MYH15: variants seen among roughly 807,000 people sequenced by gnomAD.
MYH15 encodes the protein myosin-15.
A neutral mutation model predicts 240.5 loss-of-function variants in MYH15; 227 were observed. The observed-to-expected ratio is 0.94, with a 90% CI of 0.85 to 1.05. MYH15 has a LOEUF of 1.05. MYH15 is among the 50% of genes least tolerant of loss of function. The pLI, the probability that MYH15 is intolerant of heterozygous loss-of-function variation, is 0.00. For synonymous variants in MYH15, 785 were observed against 796.7 expected (o/e 0.99, Z 0.25); for missense variants, 2,217 against 2,247.5 (o/e 0.99, Z 0.27).
In MYH15 at chr3:108,437,952, C is replaced by T. The variant is rs550147140; in HGVS notation, c.3076-253G>A. On this transcript the variant is annotated intron_variant, in intron 24 of 40. Transcript: ENST00000693548. ...AGTTCTGTCTTAGGGAAGGAACCAA[C>T]AAGAAATGGCCAGTGAGCCCTTGAT... Among the ~76,000 whole-genome samples, 202 of 152,286 alleles carry T rather than the reference C, an allele frequency of 1.3e-3. 1 individual carries two copies. In the Middle Eastern group the frequency reaches 0.014, roughly 10 times the overall value.
chr3:108,442,780 T>C (rs1279069007), intron 22 of MYH15, among the ~76,000 whole-genome samples: 2 of 151,756 alleles, frequency 1.3e-5, no homozygotes, highest in South Asian at 2.1e-4. Flanking sequence ...TTCTTTTTTT[T>C]TTTTTTGGAT....
At chr3:108,544,075 C>T in the MYH15 span, among the ~76,000 whole-genome samples, 2 of 152,314 alleles carry the variant, frequency 1.3e-5, no homozygotes, top group African/African-American at 4.8e-5. Flanking sequence ...TGTCCTGTGA[C>T]CTCAATTCTC....
rs142294601 is a variant in MYH15, at chr3:108,423,089, C to G, written c.3703-1875G>C. 1.8e-3 allele frequency among the ~76,000 whole-genome samples: 272 copies of G among 152,228 alleles called. 1 individual carries two copies. Among genetic ancestry groups the G allele is most frequent in the African/African-American group, 6.1e-3 (254 of 41,548 alleles). ...GGTGAAAAGGAAGAAAAGGGGGAAA[C>G]AGGGACTCTCACAAGGCCAGAGTCC... On this transcript the variant is annotated intron_variant, in intron 27 of 40. Transcript: ENST00000693548.
chr3:108,501,590 T>C (rs925075814), intron 3 of MYH15, 122 bp downstream of exon 3: 77 of 1,267,636 alleles, frequency 6.1e-5, no homozygotes, highest in African/African-American at 7.4e-5. Flanking sequence ...CCAGTAGACA[T>C]TGCTCAAGGA....
chr3:108,439,375 A>G (rs1576234393), intron 24 of MYH15, among the ~76,000 whole-genome samples: 1 of 152,272 alleles, frequency 6.6e-6, no homozygotes, highest in East Asian at 1.9e-4. Flanking sequence ...ATCCTTCAAC[A>G]CTAGTGGTAA....
chr3:108,486,468 A>G lies in MYH15; in HGVS notation c.930T>C (p.Val310=), dbSNP rs199779862. ...CAGCATCATCCAAGCTCTCCACAGT[A>G]ACTGCTCCACAGGAGCAAAAGTGGA... The part of the protein sequence containing the change: ...SDFHFCSCGA[V]TVESLDDAEE... The change falls in exon 10 of 41, where the codon GTT becomes GTC. Residue 310 remains valine, a synonymous_variant. Transcript: ENST00000693548. 7.6e-5 allele frequency: 123 copies of G among 1,612,578 alleles called. 2 individuals are homozygous for G. In the Middle Eastern group the frequency reaches 3.0e-3, roughly 39 times the overall value.
intron 12 of MYH15, among the ~76,000 whole-genome samples, chr3:108,476,083 G>A (rs1026656514): frequency 2.6e-5 from 4 of 152,190 alleles, no homozygotes; most frequent in Non-Finnish European, 4.4e-5. Context: ...TGTTAGGAAT[G>A]AACAGCTTTG....
At chr3:108,392,061 A>G in intron 36 of MYH15, 131 bp from the exon 37 acceptor site, 1 of 986,680 alleles carries the variant, frequency 1.0e-6, no homozygotes, top group East Asian at 2.4e-5. Flanking sequence ...TCTTCCCATT[A>G]TAATCTCCCT....
rs201158244 is a variant in MYH15, at chr3:108,476,437, A to G, written c.1193T>C (p.Val398Ala). ...ACCTCTGGTAACATATTCGTTACCA[A>G]CTTTGATTCTAGGATGGATCAAGCA... ...VKCLIHPRIKVGNEYVTRGQT... is the reference protein window; with the variant it reads ...VKCLIHPRIKAGNEYVTRGQT... The change falls in exon 12 of 41, where the codon GTT becomes GCT. Residue 398 changes from valine to alanine, a missense_variant. Transcript: ENST00000693548. 2.5e-5 allele frequency: 41 copies of G among 1,613,168 alleles called. No homozygotes were observed. The African/African-American group carries it at 5.2e-4, about 20-fold the overall frequency.
In MYH15 at chr3:108,468,131, A is replaced by G. The variant is rs574158577; in HGVS notation, c.1554+1911T>C. ...CAGGCATGCGCCACCACATCTGGCTAATTTTTGTATTTTGAGTAGAGACAG... is the reference window on the plus strand; with the variant it reads ...CAGGCATGCGCCACCACATCTGGCTGATTTTTGTATTTTGAGTAGAGACAG... On this transcript the variant is annotated intron_variant, in intron 14 of 40. Coordinates refer to ENST00000693548, the MANE Select transcript of MYH15 (RefSeq NM_014981.3). 8.5e-5 allele frequency among the ~76,000 whole-genome samples: 13 copies of G among 152,150 alleles called. No individual in the cohort carries two copies. The South Asian group carries it at 2.3e-3, about 27-fold the overall frequency.
chr3:108,547,152 T>A, the MYH15 span, among the ~76,000 whole-genome samples: 1 of 152,002 alleles, frequency 6.6e-6, no homozygotes. Flanking sequence ...GAGGGACATG[T>A]CACCACACCT....
intron 36 of MYH15, among the ~76,000 whole-genome samples, chr3:108,392,147 G>A (rs750297455): frequency 1.3e-5 from 2 of 152,310 alleles, no homozygotes; most frequent in South Asian, 4.1e-4. Flanking sequence ...ACAGGGTAAG[G>A]AGTGGTGGAA....
chr3:108,523,626 G>T (rs1046345165), intron 1 of MYH15, among the ~76,000 whole-genome samples: 9 of 151,696 alleles, frequency 5.9e-5, no homozygotes, highest in Non-Finnish European at 1.2e-4. Context: ...GCCCATATTA[G>T]ATCTTGGATT....
chr3:108,417,028 T>G, intron 28 of MYH15, 98 bp from the exon 29 acceptor site: 3 of 871,406 alleles, frequency 3.4e-6, no homozygotes, highest in Non-Finnish European at 5.5e-6. Context: ...GAATGACTCC[T>G]ACCCACATAT....
At chr3:108,544,150 A>G in the MYH15 span, among the ~76,000 whole-genome samples, 340 of 152,280 alleles carry the variant, frequency 2.2e-3, 3 homozygotes, top group African/African-American at 7.9e-3. Flanking sequence ...AGAGAGTGAG[A>G]GACAAGTTCT....
rs188124092 is a variant in MYH15, at chr3:108,382,392, A to G, written c.5767-833T>C. Among the ~76,000 whole-genome samples the G allele has an allele frequency of 3.3e-5, 5 of 152,282 alleles. No homozygotes were observed. The East Asian group carries it at 9.6e-4, about 29-fold the overall frequency. On this transcript the variant is annotated intron_variant, in intron 40 of 40. Coordinates refer to ENST00000693548, the MANE Select transcript of MYH15 (RefSeq NM_014981.3). ...TAACCAACTCTTAGGCTCTCCTTCA[A>G]AAGAGATGCTTTTGACCTCCCTTAA...
At chr3:108,499,844 G>T (rs2083422897) in intron 4 of MYH15, among the ~76,000 whole-genome samples, 1 of 152,184 alleles carries the variant, frequency 6.6e-6, no homozygotes, top group Non-Finnish European at 1.5e-5. Context: ...ATATAATAAA[G>T]GCTAACATCT....
At chr3:108,384,293 AC>A (rs1178352042) in intron 39 of MYH15, among the ~76,000 whole-genome samples, 1 of 152,202 alleles carries the variant, frequency 6.6e-6, no homozygotes, top group Non-Finnish European at 1.5e-5. Context: ...TTTGTCCACA[AC>A]CATATCCAGG....
intron 28 of MYH15, among the ~76,000 whole-genome samples, 192 bp downstream of exon 28, chr3:108,420,896 C>T (rs2082677168): frequency 6.6e-6 from 1 of 152,010 alleles, no homozygotes; most frequent in African/African-American, 2.4e-5. Flanking sequence ...CAGGGGTTCC[C>T]AAGTGGCACA....
Sources: gnomAD v4.1 joint callset for allele counts (sites outside exome capture counted in the v4.1 genomes callset) on GRCh38, gnomAD v4.1.1 for gene constraint, MANE v1.5 for transcripts, NCBI Gene and HGNC (gene_info 2026-07-23, HGNC 2026-07-21) for gene names.